PTPRK: variants seen among roughly 807,000 people sequenced by gnomAD.
PTPRK encodes the protein receptor-type tyrosine-protein phosphatase kappa.
A neutral mutation model predicts 178.0 loss-of-function variants in PTPRK; 75 were observed. The ratio of observed to expected loss-of-function variants is 0.42; its 90% CI spans 0.35 to 0.51. PTPRK has a LOEUF of 0.51. PTPRK is among the 20% of genes least tolerant of loss of function. PTPRK has a pLI of 0.02. For synonymous variants in PTPRK, 637 were observed against 620.6 expected (o/e 1.03, Z -0.39); for missense variants, 1,441 against 1,797.8 (o/e 0.80, Z 3.59).
intron 6 of PTPRK, among the ~76,000 whole-genome samples, chr6:128,197,058 T>C (rs959446656): frequency 6.6e-6 from 1 of 152,124 alleles, no homozygotes; most frequent in African/African-American, 2.4e-5. Context: ...TTCTTTGGTA[T>C]GAAATTTTGT....
At chr6:128,339,809 T>C (rs1049225362) in intron 2 of PTPRK, among the ~76,000 whole-genome samples, 20 of 152,290 alleles carry the variant, frequency 1.3e-4, no homozygotes, top group Admixed American at 1.2e-3. Flanking sequence ...TAAGGACTTA[T>C]TTAGACTTAG....
rs1786626001 is a variant in PTPRK, at chr6:128,089,899, C to T, written c.1256G>A (p.Arg419His). 7 of 1,612,800 alleles carry T rather than the reference C, an allele frequency of 4.3e-6. No individual in the cohort carries two copies. Among genetic ancestry groups the T allele is most frequent in the Non-Finnish European group, 4.2e-6 (5 of 1,178,932 alleles). The part of the protein sequence containing the change: ...DWESLGYNIT[R>H]CHTFNVTICY... ...GATAGTGACATTAAAAGTGTGGCAA[C>T]GCGTAATGTTGTAACCCAAGGATTC... The change falls in exon 8 of 30, where the codon CGT (arginine) becomes CAT (histidine). Residue 419 changes from arginine (R) to histidine (H), a missense_variant. By Grantham distance (29) the Arg-to-His change is conservative (BLOSUM62 0). This residue lies in a region of PTPRK where 945 missense variants were observed against 1,080.6 expected (regional missense o/e 0.87). Coordinates refer to ENST00000368226, the MANE Select transcript of PTPRK (RefSeq NM_002844.4).
intron 13 of PTPRK, among the ~76,000 whole-genome samples, chr6:128,038,754 G>A (rs1446904273): frequency 6.6e-6 from 1 of 152,114 alleles, no homozygotes; most frequent in African/African-American, 2.4e-5. Flanking sequence ...ATTTTTCAAA[G>A]TGCAACAAAA....
intron 2 of PTPRK, among the ~76,000 whole-genome samples, chr6:128,331,030 A>T (rs1402924527): frequency 2.0e-5 from 3 of 152,174 alleles, no homozygotes; most frequent in Non-Finnish European, 4.4e-5. Flanking sequence ...GGTCTGTTAA[A>T]GTAGTTCCTT....
At chr6:128,075,817 A>G (rs1297340264) in intron 11 of PTPRK, among the ~76,000 whole-genome samples, 1 of 152,082 alleles carries the variant, frequency 6.6e-6, no homozygotes, top group Non-Finnish European at 1.5e-5. Flanking sequence ...GATATTAGGA[A>G]GACCAGGCAG....
rs375959983 is a variant in PTPRK, at chr6:128,000,033, TACA to T, written c.2495-1132_2495-1130del. Reference sequence around the variant, plus strand: ...CTTTAATGACCGAAGTACTAAACATTACAACGAGAAGCATGCTCATATTTATCA... The same window carrying T: ...CTTTAATGACCGAAGTACTAAACATTACGAGAAGCATGCTCATATTTATCA... On this transcript the variant is annotated intron_variant, in intron 15 of 29. Coordinates refer to ENST00000368226, the MANE Select transcript of PTPRK (RefSeq NM_002844.4). The T allele has an allele frequency of 1.4e-3, 1,330 of 960,252 alleles. 14 individuals are homozygous for T. In the African/African-American group the frequency reaches 0.022, roughly 16 times the overall value. 59.5% of individuals were successfully genotyped at this position (960,252 alleles called of 1,614,324 possible).
intron 5 of PTPRK, among the ~76,000 whole-genome samples, chr6:128,225,149 C>T (rs148565604): frequency 3.3e-5 from 5 of 152,190 alleles, no homozygotes; most frequent in African/African-American, 9.6e-5. Context: ...CAATACATGT[C>T]GAGATTATTT....
chr6:127,973,570 G>C lies in PTPRK; in HGVS notation c.4133+94C>G. ...TGTTTAAAAATAACATCTATGGGAG[G>C]TCCATAAGATGCAAGCCAGATAGTC... On this transcript the variant is annotated intron_variant, in intron 28 of 29. Transcript: ENST00000368226. 9 of 1,403,986 alleles carry C rather than the reference G, an allele frequency of 6.4e-6. No homozygotes were observed. The South Asian group carries it at 1.2e-4, about 19-fold the overall frequency. 87.0% of individuals were successfully genotyped at this position (1,403,986 alleles called of 1,614,324 possible). A position where few individuals can be genotyped will look rare whatever the true frequency, so the allele number is the denominator to read the frequency against.
rs561067907 is a variant in PTPRK, at chr6:128,229,104, A to G, written c.694-10008T>C. Among the ~76,000 whole-genome samples, 44 of 151,996 alleles carry G rather than the reference A, an allele frequency of 2.9e-4. No homozygotes were observed. In the South Asian group the frequency reaches 8.7e-3, roughly 30 times the overall value. On this transcript the variant is annotated intron_variant, in intron 5 of 29. Coordinates refer to ENST00000368226, the MANE Select transcript of PTPRK (RefSeq NM_002844.4). ...TGTTTCTGACGTACAAAATTACTAG[A>G]TATGACAGGTGGGCTAATATTGAAT...
intron 7 of PTPRK, among the ~76,000 whole-genome samples, chr6:128,111,750 C>T (rs1198290626): frequency 6.6e-6 from 1 of 152,002 alleles, no homozygotes; most frequent in Non-Finnish European, 1.5e-5. Context: ...TATTTGATTC[C>T]ATATCTTCTC....
intron 3 of PTPRK, among the ~76,000 whole-genome samples, chr6:128,265,961 C>G (rs1583789883): frequency 6.6e-6 from 1 of 152,204 alleles, no homozygotes; most frequent in South Asian, 2.1e-4. Context: ...CTCTTCTGCA[C>G]TGTGAGAACA....
At position 128,403,787 on chromosome 6, in the gene PTPRK, A is replaced by G. The variant is rs532656236; in HGVS notation, c.101-6099T>C. 3.0e-3 allele frequency among the ~76,000 whole-genome samples: 454 copies of G among 152,224 alleles called. 3 individuals are homozygous for G. The highest frequency in any genetic ancestry group is 5.1e-3 in the Non-Finnish European group (344 of 68,008). On this transcript the variant is annotated intron_variant, in intron 1 of 29. Transcript: ENST00000368226. ...TTGCCAAAACCAGTTTTACCTGAACACTCATCATATATACTTTCAAACAGT... is the reference window on the plus strand; with the variant it reads ...TTGCCAAAACCAGTTTTACCTGAACGCTCATCATATATACTTTCAAACAGT...
rs1828795154 is a variant in PTPRK, at chr6:128,321,575, C to A, written c.495+464G>T. 1.6e-5 allele frequency: 8 copies of A among 511,714 alleles called. No individual in the cohort carries two copies. The South Asian group carries it at 2.5e-4, about 16-fold the overall frequency. The allele number at this position is 511,714 out of a possible 1,614,324, so 31.7% of individuals were successfully genotyped here. ...ATTAATGAAAATGCCTCCCCCTTAA[C>A]ATAGTTCATGAAACTCTACATCACA... is the stretch of plus-strand genomic sequence containing the variant. On this transcript the variant is annotated intron_variant, in intron 3 of 29. Coordinates refer to ENST00000368226, the MANE Select transcript of PTPRK (RefSeq NM_002844.4).
At chr6:127,981,340 G>T in intron 24 of PTPRK, 51 bp from the exon 25 acceptor site, 1 of 1,478,580 alleles carries the variant, frequency 6.8e-7, no homozygotes, top group Non-Finnish European at 9.3e-7. Context: ...CCATTTAACA[G>T]TATAACACAG....
At chr6:128,193,401 C>T (rs1804239801) in intron 6 of PTPRK, among the ~76,000 whole-genome samples, 1 of 150,516 alleles carries the variant, frequency 6.6e-6, no homozygotes, top group Non-Finnish European at 1.5e-5. Flanking sequence ...GAAAACACAC[C>T]GATTTATATA....
At chr6:128,138,144 A>G (rs1795278092) in intron 7 of PTPRK, among the ~76,000 whole-genome samples, 2 of 152,114 alleles carry the variant, frequency 1.3e-5, no homozygotes, top group Admixed American at 1.3e-4. Context: ...TTAAAGATGG[A>G]AATAATCCAC....
intron 2 of PTPRK, among the ~76,000 whole-genome samples, chr6:128,395,575 C>A (rs1286541811): frequency 1.3e-5 from 2 of 152,104 alleles, no homozygotes; most frequent in African/African-American, 4.8e-5. Flanking sequence ...AGCCCACCCA[C>A]ATCCTTTAAT....
At chr6:128,060,433 T>C (rs935178433) in intron 13 of PTPRK, among the ~76,000 whole-genome samples, 2 of 152,150 alleles carry the variant, frequency 1.3e-5, no homozygotes, top group Non-Finnish European at 2.9e-5. Flanking sequence ...ATGTCCTGTA[T>C]CCCGAATTTA....
chr6:128,035,208 A>T (rs2114812886), intron 13 of PTPRK, among the ~76,000 whole-genome samples: 1 of 152,168 alleles, frequency 6.6e-6, no homozygotes, highest in East Asian at 1.9e-4. Context: ...CTCTACAAAA[A>T]ATACAAAATT....
Sources: allele counts gnomAD v4.1 joint callset (sites outside exome capture counted in the v4.1 genomes callset), GRCh38; gene constraint gnomAD v4.1.1; regional missense constraint gnomAD v4.1.1; transcripts MANE v1.5; gene names NCBI Gene and HGNC (gene_info 2026-07-23, HGNC 2026-07-21).